GYG2: variants seen among roughly 807,000 people sequenced by gnomAD.
GYG2 encodes the protein glycogenin-2.
In GYG2, 29 loss-of-function variants were observed where a neutral mutation model predicts 29.4. The observed-to-expected ratio is 0.99, with a 90% CI of 0.74 to 1.35. GYG2 has a LOEUF of 1.35. GYG2 is among the 40% of genes most tolerant of loss of function. The pLI is 0.00. For missense variants in GYG2, 370 were observed against 385.7 expected (o/e 0.96, Z 0.34); for synonymous variants, 167 against 172.3 (o/e 0.97, Z 0.24).
Position 2,860,050 on chromosome X carries a change from G to A in GYG2, c.822G>A (p.Ala274=), listed in dbSNP as rs149379913. The A allele has an allele frequency of 7.2e-5, 84 of 1,163,455 alleles. No homozygotes were observed. In the African/African-American group the frequency reaches 1.3e-3, roughly 19 times the overall value. Residue 274 remains alanine, a synonymous_variant, in exon 7 of 11, where the codon GCG becomes GCA. Transcript: ENST00000398806. ...YKSVQAGEAR[A]SPGHTLCHSD... ...GCGTCCAAGCGGGGGAAGCACGCGC[G>A]TCTCCTGGTCACACAGTAAGTGGGG...
At chrX:2,869,415 T>A (rs1440260624) in intron 8 of GYG2, among the ~76,000 whole-genome samples, 1 of 111,416 alleles carries the variant, frequency 9.0e-6, no homozygotes, top group Non-Finnish European at 1.9e-5. Flanking sequence ...CATTAATTCG[T>A]ACTCCCGGTG....
chrX:2,842,361 A>AT (rs201624382), intron 2 of GYG2, among the ~76,000 whole-genome samples: 70 of 100,672 alleles, frequency 7.0e-4, no homozygotes, highest in African/African-American at 1.2e-3. Context: ...CGCCTGGCTA[A>AT]TTTTTTTTTT....
intron 2 of GYG2, 99 bp from the exon 3 acceptor site, chrX:2,843,113 CA>C (rs2087542215): frequency 1.4e-6 from 1 of 732,654 alleles, no homozygotes; most frequent in East Asian, 3.2e-5. Context: ...ACGTCTGGCC[CA>C]AGCCATGAAT....
rs911740491 is a variant in GYG2 at position 2,882,289 on chromosome X, T to C, written c.*1076T>C. 10 of 108,726 alleles carry C rather than the reference T, an allele frequency of 9.2e-5. No homozygotes were observed. The highest frequency in any genetic ancestry group is 2.0e-4 in the African/African-American group (6 of 29,693). The allele number at this position is 108,726 out of a possible 1,213,427, so 9.0% of individuals were successfully genotyped here. ...AAGGAGGAAAGTGCGACTTTTGAAA[T>C]GTTTGGAAGGTTTATTTCTCATGCA... On this transcript the variant is annotated 3_prime_UTR_variant, in exon 11 of 11. Coordinates refer to ENST00000398806, the MANE Select transcript of GYG2 (RefSeq NM_001079855.2).
At position 2,830,052 on chromosome X, in the gene GYG2, C is replaced by A. The variant is rs1230593610; in HGVS notation, c.-128-9C>A. 1.3e-4 allele frequency: 72 copies of A among 573,159 alleles called. No homozygotes were observed. Among genetic ancestry groups the A allele is most frequent in the Non-Finnish European group, 1.9e-4 (66 of 348,863 alleles). The allele number at this position is 573,159 out of a possible 1,213,427, so 47.2% of individuals were successfully genotyped here. A position where few individuals can be genotyped will look rare whatever the true frequency, so the allele number is the denominator to read the frequency against. On this transcript the variant is annotated splice_polypyrimidine_tract_variant and intron_variant, in intron 1 of 10. Coordinates refer to ENST00000398806, the MANE Select transcript of GYG2 (RefSeq NM_001079855.2). ...GAGGGTGTCGAGACTGCCACGCTGT[C>A]GCCCCCAGGCCTGGAAATCCACGCG...
chrX:2,845,901 G>T (rs2147170365), intron 3 of GYG2, among the ~76,000 whole-genome samples: 1 of 95,153 alleles, frequency 1.1e-5, no homozygotes, highest in South Asian at 4.8e-4. Context: ...ACACATATTT[G>T]AACTGGATAA....
At chrX:2,848,583 A>C (rs1429213537) in intron 3 of GYG2, among the ~76,000 whole-genome samples, 1 of 110,044 alleles carries the variant, frequency 9.1e-6, no homozygotes, top group Non-Finnish European at 1.9e-5. Context: ...AGGTCCAAAA[A>C]TGCACCAGTG....
At chrX:2,844,631 C>T (rs866247688) in intron 3 of GYG2, among the ~76,000 whole-genome samples, 2 of 10,780 alleles carry the variant, frequency 1.9e-4, no homozygotes, top group Admixed American at 1.3e-3. Context: ...TACGCACACG[C>T]ATGCGTATAT....
At chrX:2,857,665 C>T (rs775681364) in intron 6 of GYG2, among the ~76,000 whole-genome samples, 1 of 110,244 alleles carries the variant, frequency 9.1e-6, no homozygotes, top group Non-Finnish European at 1.9e-5. Flanking sequence ...TATCTATATA[C>T]GTCTTTATAT....
intron 2 of GYG2, among the ~76,000 whole-genome samples, chrX:2,832,771 G>A (rs1331427304): frequency 1.8e-5 from 2 of 112,031 alleles, no homozygotes; most frequent in Non-Finnish European, 3.8e-5. Flanking sequence ...CTGACCTCAG[G>A]TGATCCACCT....
intron 5 of GYG2, 33 bp downstream of exon 5, chrX:2,855,188 C>T: frequency 8.7e-7 from 1 of 1,144,499 alleles, no homozygotes; most frequent in Non-Finnish European, 1.2e-6. Flanking sequence ...CTTAGGGTCT[C>T]TGTTGCACAC....
intron 8 of GYG2, among the ~76,000 whole-genome samples, chrX:2,864,960 T>C (rs1331747048): frequency 9.0e-6 from 1 of 110,918 alleles, no homozygotes; most frequent in Non-Finnish European, 1.9e-5. Context: ...GGTTTCACCA[T>C]GTTGGCCAGG....
chrX:2,865,453 T>C (rs1477333629), intron 8 of GYG2, among the ~76,000 whole-genome samples: 1 of 111,801 alleles, frequency 8.9e-6, no homozygotes, highest in African/African-American at 3.2e-5. Flanking sequence ...TACTTTTACT[T>C]TGGATTCATA....
chrX:2,861,289 TTAAGTACTGGATTAC>T (rs1180180551), intron 7 of GYG2, among the ~76,000 whole-genome samples: 7 of 108,937 alleles, frequency 6.4e-5, no homozygotes, highest in African/African-American at 2.0e-4. Context: ...TACTGGATTA[TTAAGTACTGGATTAC>T]TAAGTACTGG....
chrX:2,830,200 G>C lies in GYG2; in HGVS notation c.7+5G>C. The C allele has an allele frequency of 8.3e-7, 1 of 1,203,740 alleles. No homozygotes were observed. Among genetic ancestry groups the C allele is most frequent in the Non-Finnish European group, 1.1e-6 (1 of 887,878 alleles). ...CGGCGCCACTGACCATGTCGGGTGA[G>C]TAGCTCAAGCTGCTTCAGTTCAGCC... On this transcript the variant is annotated splice_donor_5th_base_variant and intron_variant, in intron 2 of 10. Coordinates refer to ENST00000398806, the MANE Select transcript of GYG2 (RefSeq NM_001079855.2).
rs1266638497 is a variant in GYG2, at chrX:2,845,019, G to A, written c.149+1665G>A. On this transcript the variant is annotated intron_variant, in intron 3 of 10. Coordinates refer to ENST00000398806, the MANE Select transcript of GYG2 (RefSeq NM_001079855.2). Reference sequence around the variant, plus strand: ...TTCAAATATATTTATATACACATGTGTATGTATATTTATATACACATGTGT... The same window carrying A: ...TTCAAATATATTTATATACACATGTATATGTATATTTATATACACATGTGT... 2.0e-5 allele frequency among the ~76,000 whole-genome samples: 2 copies of A among 99,135 alleles called. 1 individual carries two copies. The highest frequency in any genetic ancestry group is 4.1e-5 in the Non-Finnish European group (2 of 48,976). The allele number at this position is 99,135 out of a possible 115,157, so 86.1% of individuals were successfully genotyped here. A position where few individuals can be genotyped will look rare whatever the true frequency, so the allele number is the denominator to read the frequency against.
chrX:2,845,883 A>G (rs1265877812), intron 3 of GYG2, among the ~76,000 whole-genome samples: 1 of 99,240 alleles, frequency 1.0e-5, no homozygotes, highest in African/African-American at 3.6e-5. Context: ...AATTTAAAAT[A>G]TATATACACA....
At chrX:2,878,937 A>G (rs2088658103) in intron 10 of GYG2, among the ~76,000 whole-genome samples, 1 of 112,106 alleles carries the variant, frequency 8.9e-6, no homozygotes, top group Non-Finnish European at 1.9e-5. Context: ...TGTTAATTCC[A>G]GAAACATTTC....
chrX:2,854,234 G>A (rs4892898), intron 4 of GYG2, 80 bp downstream of exon 4: 17 of 673,327 alleles, frequency 2.5e-5, no homozygotes, highest in Non-Finnish European at 3.5e-5. Context: ...ACTTTTTTTT[G>A]TGTGTGTGTG....
Sources: gnomAD v4.1 joint callset for allele counts (sites outside exome capture counted in the v4.1 genomes callset) on GRCh38, gnomAD v4.1.1 for gene constraint, MANE v1.5 for transcripts, NCBI Gene and HGNC (gene_info 2026-07-23, HGNC 2026-07-21) for gene names.